The following LIMCH1 variants were observed in gnomAD, a reference collection of about 807,000 sequenced individuals.
LIMCH1 encodes LIM and calponin homology domains-containing protein 1.
LIMCH1 carries 113 observed loss-of-function variants against 176.5 expected under a neutral mutation model. The ratio of observed to expected loss-of-function variants is 0.64; its 90% CI spans 0.55 to 0.75. The LOEUF is 0.75. LIMCH1 is among the 30% of genes least tolerant of loss of function. The pLI, the probability that LIMCH1 is intolerant of heterozygous loss-of-function variation, is 0.00. For missense variants in LIMCH1, 1,674 were observed against 1,814.9 expected (o/e 0.92, Z 1.41); for synonymous variants, 619 against 645.9 (o/e 0.96, Z 0.63).
At chr4:41,570,178 A>G (rs924079984) in intron 1 of LIMCH1, among the ~76,000 whole-genome samples, 4 of 152,230 alleles carry the variant, frequency 2.6e-5, no homozygotes, top group African/African-American at 9.6e-5. Flanking sequence ...GATATGCTGC[A>G]TCAGCTTGAC....
At chr4:41,383,707 ATATATC>A (rs2056060515) in intron 1 of LIMCH1, among the ~76,000 whole-genome samples, 1 of 152,178 alleles carries the variant, frequency 6.6e-6, no homozygotes, top group Non-Finnish European at 1.5e-5. Context: ...TGGCTCAGAT[ATATATC>A]TATATCTATA....
intron 1 of LIMCH1, among the ~76,000 whole-genome samples, chr4:41,369,850 G>A (rs763230004): frequency 3.3e-5 from 5 of 151,520 alleles, no homozygotes; most frequent in African/African-American, 4.9e-5. Context: ...TTCTCAGTGA[G>A]TCTGTGCCCA....
intron 1 of LIMCH1, among the ~76,000 whole-genome samples, chr4:41,598,041 G>A (rs889391995): frequency 1.4e-4 from 22 of 152,168 alleles, no homozygotes; most frequent in Non-Finnish European, 2.8e-4. Context: ...TTCTGGAGCC[G>A]ACATTCCCTA....
intron 2 of LIMCH1, among the ~76,000 whole-genome samples, chr4:41,504,757 ACTAT>A (rs1322008636): frequency 6.6e-6 from 1 of 152,110 alleles, no homozygotes; most frequent in Non-Finnish European, 1.5e-5. Flanking sequence ...CATTTTTGTT[ACTAT>A]CTAAGGACAT....
At chr4:41,437,576 G>C (rs942208719) in intron 1 of LIMCH1, among the ~76,000 whole-genome samples, 3 of 152,216 alleles carry the variant, frequency 2.0e-5, no homozygotes, top group African/African-American at 7.2e-5. Flanking sequence ...GATCCAAAGG[G>C]AACTTTTATT....
rs566062138 is a variant in LIMCH1, at chr4:41,559,621, G to A, written c.-241+21271G>A. On this transcript the variant is annotated intron_variant, in intron 1 of 31. Transcript: ENST00000503057. ...CCTCATCATCTCACATCTTAAGCTC[G>A]TACCAGCCTGACTTCCACTGCTTCA... 4.6e-5 allele frequency among the ~76,000 whole-genome samples: 7 copies of A among 152,038 alleles called. No individual in the cohort carries two copies. The East Asian group carries it at 7.7e-4, about 17-fold the overall frequency.
At chr4:41,576,897 G>T (rs537575156) in intron 1 of LIMCH1, among the ~76,000 whole-genome samples, 1 of 152,252 alleles carries the variant, frequency 6.6e-6, no homozygotes, top group East Asian at 1.9e-4. Flanking sequence ...AGATTCATAA[G>T]CAGAATTGAC....
intron 2 of LIMCH1, among the ~76,000 whole-genome samples, chr4:41,510,553 T>A (rs918010263): frequency 6.6e-6 from 1 of 152,188 alleles, no homozygotes; most frequent in African/African-American, 2.4e-5. Context: ...AGGAGTGGAC[T>A]TTTTCTTAAA....
At chr4:41,409,081 C>T (rs1445119111) in intron 1 of LIMCH1, among the ~76,000 whole-genome samples, 1 of 152,148 alleles carries the variant, frequency 6.6e-6, no homozygotes, top group Non-Finnish European at 1.5e-5. Flanking sequence ...GGAGTGTGTG[C>T]TTGCTTCATT....
chr4:41,366,161 TA>T (rs753017278), intron 1 of LIMCH1, among the ~76,000 whole-genome samples: 1 of 152,210 alleles, frequency 6.6e-6, no homozygotes, highest in Admixed American at 6.5e-5. Flanking sequence ...AACATGATGA[TA>T]AAAATTATGT....
chr4:41,452,871 T>C (rs1045994109), intron 1 of LIMCH1, among the ~76,000 whole-genome samples: 1 of 152,228 alleles, frequency 6.6e-6, no homozygotes, highest in African/African-American at 2.4e-5. Context: ...TCTGTTGCCC[T>C]CAATAGATTA....
intron 1 of LIMCH1, among the ~76,000 whole-genome samples, chr4:41,575,055 C>A (rs762523982): frequency 1.4e-4 from 22 of 152,192 alleles, no homozygotes; most frequent in Non-Finnish European, 3.1e-4. Context: ...CACACACACA[C>A]ACACAATTTA....
At chr4:41,644,476 T>A in intron 14 of LIMCH1, 24 bp from the exon 15 acceptor site, 1 of 1,499,500 alleles carries the variant, frequency 6.7e-7, no homozygotes, top group Non-Finnish European at 8.9e-7. Flanking sequence ...CGGTCCCTCT[T>A]GTGTTCGCTC....
chr4:41,367,571 TG>T (rs889815807), intron 1 of LIMCH1, among the ~76,000 whole-genome samples: 11 of 148,954 alleles, frequency 7.4e-5, no homozygotes, highest in African/African-American at 2.5e-4. Flanking sequence ...CTAGGTGCGG[TG>T]GCTCACGCCT....
At chr4:41,440,309 A>G (rs1354691806) in intron 1 of LIMCH1, among the ~76,000 whole-genome samples, 1 of 152,206 alleles carries the variant, frequency 6.6e-6, no homozygotes, top group Non-Finnish European at 1.5e-5. Flanking sequence ...TTTCTATGAG[A>G]AAATCACATT....
chr4:41,537,126 A>T (rs2078032431), upstream of LIMCH1, among the ~76,000 whole-genome samples: 2 of 152,370 alleles, frequency 1.3e-5, no homozygotes, highest in South Asian at 4.1e-4. Context: ...TACAGAAGTT[A>T]TTAATAAATA....
chr4:41,481,498 A>G (rs1168907482), intron 1 of LIMCH1, among the ~76,000 whole-genome samples: 1 of 152,218 alleles, frequency 6.6e-6, no homozygotes, highest in African/African-American at 2.4e-5. Flanking sequence ...GCATAAAGAA[A>G]GGACATAGAT....
intron 1 of LIMCH1, among the ~76,000 whole-genome samples, chr4:41,447,875 C>T (rs2063443022): frequency 6.6e-6 from 1 of 152,152 alleles, no homozygotes; most frequent in African/African-American, 2.4e-5. Flanking sequence ...ACTGCAACCT[C>T]TGCCTCCTGG....
intron 1 of LIMCH1, among the ~76,000 whole-genome samples, chr4:41,393,854 AT>A (rs1245502283): frequency 6.6e-6 from 1 of 152,220 alleles, no homozygotes; most frequent in African/African-American, 2.4e-5. Context: ...TTCAAAATGT[AT>A]CTTTATCCTC....
Sources: gnomAD v4.1 joint callset for allele counts (sites outside exome capture counted in the v4.1 genomes callset) on GRCh38, gnomAD v4.1.1 for gene constraint, MANE v1.5 for transcripts, NCBI Gene and HGNC (gene_info 2026-07-23, HGNC 2026-07-21) for gene names.